The following RBFOX1 variants were observed in gnomAD, a reference collection of about 807,000 sequenced individuals.
RBFOX1 encodes the protein RNA binding fox-1 homolog 1, also known as RNA binding protein fox-1 homolog 1.
RBFOX1 carries 8 observed loss-of-function variants against 57.7 expected under a neutral mutation model. The ratio of observed to expected loss-of-function variants is 0.14; its 90% CI spans 0.08 to 0.25. RBFOX1 has a LOEUF of 0.25. Among genes scored for constraint, RBFOX1 ranks in the 10% least tolerant of loss-of-function variants. The pLI, the probability that RBFOX1 is intolerant of heterozygous loss-of-function variation, is 1.00. For missense variants in RBFOX1, 611 were observed against 548.5 expected (o/e 1.11, Z -1.14); for synonymous variants, 326 against 222.4 (o/e 1.47, Z -4.15).
At chr16:7,116,093 A>T (rs975239644) in intron 4 of RBFOX1, among the ~76,000 whole-genome samples, 1 of 152,154 alleles carries the variant, frequency 6.6e-6, no homozygotes, top group African/African-American at 2.4e-5. Context: ...ATCAGTACCC[A>T]TTTTACAGAT....
chr16:6,339,501 C>T (rs957123877), intron 2 of RBFOX1, among the ~76,000 whole-genome samples: 1 of 152,076 alleles, frequency 6.6e-6, no homozygotes, highest in Non-Finnish European at 1.5e-5. Flanking sequence ...ATTCATTGAT[C>T]AAAGAGGTCA....
At chr16:6,823,263 C>CT (rs566534988) in intron 3 of RBFOX1, among the ~76,000 whole-genome samples, 6 of 145,314 alleles carry the variant, frequency 4.1e-5, no homozygotes, top group Middle Eastern at 3.4e-3. Context: ...TTTTTTTTTT[C>CT]TTTTTTTTCC....
At chr16:5,748,652 T>C (rs1438576156) in intron 3 of RBFOX1, among the ~76,000 whole-genome samples, 1 of 152,230 alleles carries the variant, frequency 6.6e-6, no homozygotes, top group Non-Finnish European at 1.5e-5. Context: ...TTTTGATCTT[T>C]GTTGGTTTAA....
At chr16:6,119,009 C>T (rs1053287607) in intron 1 of RBFOX1, among the ~76,000 whole-genome samples, 1 of 135,380 alleles carries the variant, frequency 7.4e-6, no homozygotes, top group Non-Finnish European at 1.6e-5. Context: ...GTGACAATTC[C>T]TCAGGTTTTT....
intron 3 of RBFOX1, among the ~76,000 whole-genome samples, chr16:6,668,079 TC>T (rs2098743521): frequency 6.6e-6 from 1 of 152,188 alleles, no homozygotes; most frequent in Non-Finnish European, 1.5e-5. Flanking sequence ...TACCAAACCC[TC>T]AATTACCTGT....
chr16:6,774,289 A>G (rs2078958256), intron 3 of RBFOX1, among the ~76,000 whole-genome samples: 1 of 152,242 alleles, frequency 6.6e-6, no homozygotes. Context: ...ATTCCCTCCC[A>G]GGTGAGATGG....
chr16:6,005,796 A>G (rs1596387390), intron 4 of RBFOX1, among the ~76,000 whole-genome samples: 1 of 152,316 alleles, frequency 6.6e-6, no homozygotes, highest in South Asian at 2.1e-4. Flanking sequence ...AGTTGGGTGG[A>G]TTTTAAAAAA....
At chr16:6,873,915 C>G (rs1228400503) in intron 3 of RBFOX1, 1 of 152,096 alleles carries the variant, frequency 6.6e-6, no homozygotes, top group Non-Finnish European at 1.5e-5. Context: ...ACTTTGGCAG[C>G]ACATATACTA....
intron 3 of RBFOX1, among the ~76,000 whole-genome samples, chr16:5,851,695 C>G (rs534504219): frequency 6.6e-6 from 1 of 152,330 alleles, no homozygotes; most frequent in African/African-American, 2.4e-5. Flanking sequence ...GCATTCCTTC[C>G]TGCTGTCCTT....
At chr16:5,865,628 G>T (rs2057327226) in intron 3 of RBFOX1, among the ~76,000 whole-genome samples, 1 of 152,216 alleles carries the variant, frequency 6.6e-6, no homozygotes, top group African/African-American at 2.4e-5. Context: ...AGCTGCAGGG[G>T]CTGGTCAGCT....
intron 3 of RBFOX1, among the ~76,000 whole-genome samples, chr16:6,766,710 G>C (rs1474433963): frequency 6.6e-6 from 1 of 151,914 alleles, no homozygotes; most frequent in Non-Finnish European, 1.5e-5. Context: ...CAACTCTAGA[G>C]CCTCTTCTGA....
At chr16:7,333,926 G>T (rs2096737976) in intron 4 of RBFOX1, among the ~76,000 whole-genome samples, 1 of 152,078 alleles carries the variant, frequency 6.6e-6, no homozygotes, top group Admixed American at 6.6e-5. Flanking sequence ...TTAGTTTTTT[G>T]AGTATAATCA....
At chr16:7,242,218 T>C (rs1436811465) in intron 4 of RBFOX1, among the ~76,000 whole-genome samples, 2 of 152,182 alleles carry the variant, frequency 1.3e-5, no homozygotes, top group Admixed American at 6.5e-5. Context: ...TGTCTCCTAG[T>C]TTATCCCCAA....
rs190447510 is a variant in RBFOX1, at chr16:5,765,399, C to G, written c.319-101904C>G. Among the ~76,000 whole-genome samples, 6 of 152,224 alleles carry G rather than the reference C, an allele frequency of 3.9e-5. No homozygotes were observed. The East Asian group carries it at 9.7e-4, about 24-fold the overall frequency. ...ACATGTCTTTGGAGGGGAAAAAATC[C>G]CATTAAAAACTCTTACCAGCAAATG... On this transcript the variant is annotated intron_variant, in intron 3 of 19. Coordinates refer to the RBFOX1 transcript ENST00000641259.
intron 4 of RBFOX1, among the ~76,000 whole-genome samples, chr16:7,427,598 C>CTTTCT (rs948976500): frequency 2.6e-5 from 4 of 151,442 alleles, no homozygotes; most frequent in African/African-American, 4.8e-5. Flanking sequence ...TTAACTCTTT[C>CTTTCT]TTTCTTTTCT....
At chr16:7,337,149 A>T (rs527714862) in intron 4 of RBFOX1, among the ~76,000 whole-genome samples, 13 of 152,268 alleles carry the variant, frequency 8.5e-5, no homozygotes, top group African/African-American at 2.9e-4. Flanking sequence ...AGACAAAGCT[A>T]GGTAGCCCAA....
intron 4 of RBFOX1, among the ~76,000 whole-genome samples, chr16:7,345,435 T>C (rs4290489): frequency 6.6e-6 from 1 of 152,068 alleles, no homozygotes; most frequent in Non-Finnish European, 1.5e-5. Context: ...CCATGAATTT[T>C]GGTGGGGGCT....
chr16:6,233,729 C>G (rs1034240958), intron 1 of RBFOX1, among the ~76,000 whole-genome samples: 1 of 152,122 alleles, frequency 6.6e-6, no homozygotes, highest in African/African-American at 2.4e-5. Context: ...CTGCCTCAGC[C>G]TCCCAAAGTG....
intron 3 of RBFOX1, among the ~76,000 whole-genome samples, chr16:5,834,772 C>CAT (rs2056403841): frequency 7.6e-6 from 1 of 132,088 alleles, no homozygotes; most frequent in African/African-American, 2.9e-5. Context: ...CATACATGCA[C>CAT]AGATGATAGA....
Sources: allele counts gnomAD v4.1 joint callset (sites outside exome capture counted in the v4.1 genomes callset), GRCh38; gene constraint gnomAD v4.1.1; transcripts MANE v1.5; gene names NCBI Gene and HGNC (gene_info 2026-07-23, HGNC 2026-07-21).